LPCAT1: variants seen among roughly 807,000 people sequenced by gnomAD.
The protein encoded by LPCAT1 is lysophosphatidylcholine acyltransferase 1.
A neutral mutation model predicts 60.9 loss-of-function variants in LPCAT1; 23 were observed. The ratio of observed to expected loss-of-function variants is 0.38; its 90% CI spans 0.27 to 0.53. LPCAT1 has a LOEUF of 0.53. Ranked by LOEUF, LPCAT1 falls within the 20% of genes least tolerant of loss-of-function variation. LPCAT1 has a pLI of 0.82. For synonymous variants in LPCAT1, 340 were observed against 301.1 expected (o/e 1.13, Z -1.34); for missense variants, 622 against 723.6 (o/e 0.86, Z 1.61).
At position 1,521,967 on chromosome 5, in the gene LPCAT1, C is replaced by T. The variant is rs146679418; in HGVS notation, c.135+1743G>A. 1.2e-4 allele frequency among the ~76,000 whole-genome samples: 19 copies of T among 152,314 alleles called. No homozygotes were observed. The East Asian group carries it at 2.7e-3, about 22-fold the overall frequency. On this transcript the variant is annotated intron_variant, in intron 1 of 13. Coordinates refer to ENST00000283415, the MANE Select transcript of LPCAT1 (RefSeq NM_024830.5). This position sits in a 1 kb window ranked among gnomAD's most constrained non-coding sequence, Gnocchi z 4.3. ...ACTTTTGGACAGAACACACCTCAAC[C>T]GGGGGCTGCAACTATGACAGGGATG...
chr5:1,514,116 C>G (rs1012150174), intron 1 of LPCAT1, among the ~76,000 whole-genome samples: 8 of 152,236 alleles, frequency 5.3e-5, no homozygotes, highest in Admixed American at 3.9e-4. Context: ...GAGAGCAGAA[C>G]CCCCACCACC....
chr5:1,498,633 TAC>T (rs1329714471), intron 2 of LPCAT1, among the ~76,000 whole-genome samples: 11 of 149,934 alleles, frequency 7.3e-5, no homozygotes, highest in African/African-American at 9.8e-5. Context: ...CTTGCACATA[TAC>T]ACACATACAT....
At chr5:1,514,347 A>G (rs13167887) in intron 1 of LPCAT1, among the ~76,000 whole-genome samples, 78,975 of 152,124 alleles carry the variant, frequency 0.52, 20,494 homozygotes, top group Middle Eastern at 0.65. Flanking sequence ...ACGAGGGGCC[A>G]TCGCAGGTGC....
intron 1 of LPCAT1, among the ~76,000 whole-genome samples, chr5:1,515,744 CG>C (rs1322158251): frequency 2.5e-4 from 38 of 152,136 alleles, no homozygotes; most frequent in Non-Finnish European, 1.5e-5. Context: ...GGGGGCCCCC[CG>C]GAACATCCTG....
At chr5:1,516,490 C>CT (rs911426268) in intron 1 of LPCAT1, among the ~76,000 whole-genome samples, 5 of 152,228 alleles carry the variant, frequency 3.3e-5, no homozygotes, top group African/African-American at 9.6e-5. Flanking sequence ...CCCAGCCCGG[C>CT]GGCATCCCCA....
rs1381629237 is a variant in LPCAT1 at position 1,463,520 on chromosome 5, C to T, written c.*131G>A. On this transcript the variant is annotated 3_prime_UTR_variant, in exon 14 of 14. Coordinates refer to ENST00000283415, the MANE Select transcript of LPCAT1 (RefSeq NM_024830.5). ...ACAAGATACAAACAGCCCCCGAGGC[C>T]CCTGGAACTCGGGCTGAAGACAGTG... 1.3e-5 allele frequency: 12 copies of T among 946,864 alleles called. No individual in the cohort carries two copies. In the African/African-American group the frequency reaches 2.0e-4, roughly 16 times the overall value. 58.7% of individuals were successfully genotyped at this position (946,864 alleles called of 1,614,324 possible). A position where few individuals can be genotyped will look rare whatever the true frequency, so the allele number is the denominator to read the frequency against.
chr5:1,473,204 A>G (rs1196269907), intron 11 of LPCAT1, among the ~76,000 whole-genome samples: 1 of 152,204 alleles, frequency 6.6e-6, no homozygotes, highest in East Asian at 1.9e-4. Context: ...TGGTGCTGTC[A>G]CACGGGACAT....
At chr5:1,518,820 C>T (rs1337201885) in intron 1 of LPCAT1, among the ~76,000 whole-genome samples, 9 of 152,206 alleles carry the variant, frequency 5.9e-5, no homozygotes, top group Admixed American at 3.3e-4. Flanking sequence ...TTCTGAAATG[C>T]GTAAAAACAT....
chr5:1,501,606 G>A lies in LPCAT1; in HGVS notation c.136-3C>T. ...AGCGTCAGTGTCATGAGGGCCACCT[G>A]CAGACAGAGGGGGGCATTATCCAGA... On this transcript the variant is annotated splice_polypyrimidine_tract_variant and splice_region_variant and intron_variant, in intron 1 of 13. Transcript: ENST00000283415. The A allele has an allele frequency of 1.2e-6, 2 of 1,613,616 alleles. No homozygotes were observed. Among genetic ancestry groups the A allele is most frequent in the Non-Finnish European group, 1.7e-6 (2 of 1,179,680 alleles).
chr5:1,466,674 C>T (rs1196668389), intron 13 of LPCAT1, 75 bp downstream of exon 13: 1 of 1,476,610 alleles, frequency 6.8e-7, no homozygotes, highest in Non-Finnish European at 9.1e-7. Flanking sequence ...CCTGGGCTCC[C>T]ACGGAGACTC....
chr5:1,511,157 G>A (rs1459035212), intron 1 of LPCAT1, among the ~76,000 whole-genome samples: 1 of 152,204 alleles, frequency 6.6e-6, no homozygotes, highest in Admixed American at 6.5e-5. Context: ...TCATGCCCAC[G>A]CAGGCCTTTC....
Position 1,480,463 on chromosome 5 carries a change from G to C in LPCAT1, c.761+479C>G. On this transcript the variant is annotated intron_variant, in intron 7 of 13. Transcript: ENST00000283415. This position sits in a 1 kb window ranked among gnomAD's most constrained non-coding sequence, Gnocchi z 6.4. ...CCTGTGGCCCCGGGCTTCTCCTCTGGGGCTCGTTCCCGTTTCCGTGGGGTT... is the reference window on the plus strand; with the variant it reads ...CCTGTGGCCCCGGGCTTCTCCTCTGCGGCTCGTTCCCGTTTCCGTGGGGTT... 8.3e-6 allele frequency: 6 copies of C among 722,772 alleles called. No homozygotes were observed. Among genetic ancestry groups the C allele is most frequent in the Non-Finnish European group, 1.0e-5 (6 of 590,310 alleles). The allele number at this position is 722,772 out of a possible 1,614,324, so 44.8% of individuals were successfully genotyped here. A position where few individuals can be genotyped will look rare whatever the true frequency, so the allele number is the denominator to read the frequency against.
intron 1 of LPCAT1, among the ~76,000 whole-genome samples, chr5:1,505,656 G>A (rs58371035): frequency 0.018 from 2,788 of 152,204 alleles, 64 homozygotes; most frequent in African/African-American, 0.052. Flanking sequence ...CCCTCGGCTC[G>A]CGCACCCCCA....
chr5:1,523,682 C>A lies in LPCAT1; in HGVS notation c.135+28G>T, dbSNP rs1421473842. ...AGCATCCCTGGCGTCCGCGCCGGCT[C>A]CCGGGGCCGCGCGCCCTGGGCACCC... On this transcript the variant is annotated intron_variant, in intron 1 of 13. Transcript: ENST00000283415. The surrounding 1 kb of genome is among the most constrained non-coding windows in gnomAD (Gnocchi z 7.1). 6 of 1,082,246 alleles carry A rather than the reference C, an allele frequency of 5.5e-6. No individual in the cohort carries two copies. The African/African-American group carries it at 1.0e-4, about 18-fold the overall frequency. 67.0% of individuals were successfully genotyped at this position (1,082,246 alleles called of 1,614,324 possible).
intron 2 of LPCAT1, among the ~76,000 whole-genome samples, chr5:1,499,804 C>T (rs1020827778): frequency 2.0e-5 from 3 of 152,252 alleles, no homozygotes; most frequent in Non-Finnish European, 2.9e-5. Context: ...TGGCCGTCTT[C>T]CCCCTGCACC....
chr5:1,468,356 A>G (rs1734525729), intron 12 of LPCAT1, among the ~76,000 whole-genome samples: 1 of 152,252 alleles, frequency 6.6e-6, no homozygotes, highest in Admixed American at 6.5e-5. Context: ...CTGGAGCCTC[A>G]GAACGGGCCG....
chr5:1,500,576 G>A (rs1327179007), intron 2 of LPCAT1, among the ~76,000 whole-genome samples: 5 of 152,190 alleles, frequency 3.3e-5, no homozygotes, highest in Admixed American at 6.5e-5. Flanking sequence ...CTGACATGCA[G>A]TCTCGGAGGG....
At position 1,480,554 on chromosome 5, in the gene LPCAT1, G is replaced by C. The variant is rs1735098416; in HGVS notation, c.761+388C>G. 6.6e-6 allele frequency among the ~76,000 whole-genome samples: 1 copy of C among 152,138 alleles called. No homozygotes were observed. Among genetic ancestry groups the C allele is most frequent in the Non-Finnish European group, 1.5e-5 (1 of 68,008 alleles). On this transcript the variant is annotated intron_variant, in intron 7 of 13. Coordinates refer to ENST00000283415, the MANE Select transcript of LPCAT1 (RefSeq NM_024830.5). This position sits in a 1 kb window ranked among gnomAD's most constrained non-coding sequence, Gnocchi z 6.4. Reference sequence around the variant, plus strand: ...GGGACAGGGACACTGACTCACAGCAGGGGCTGGCCTCCCACCCAGCACTAC... The same window carrying C: ...GGGACAGGGACACTGACTCACAGCACGGGCTGGCCTCCCACCCAGCACTAC...
At chr5:1,488,115 T>C (rs1735440366) in intron 5 of LPCAT1, among the ~76,000 whole-genome samples, 1 of 152,104 alleles carries the variant, frequency 6.6e-6, no homozygotes, top group African/African-American at 2.4e-5. Context: ...CCCAGGACCC[T>C]CCAGCCTGGA....
Sources: gnomAD v4.1 joint callset for allele counts (sites outside exome capture counted in the v4.1 genomes callset) on GRCh38, gnomAD v4.1.1 for gene constraint, Gnocchi (gnomAD v3.1) non-coding constraint, MANE v1.5 for transcripts, NCBI Gene and HGNC (gene_info 2026-07-23, HGNC 2026-07-21) for gene names.